FAT4: variants seen among roughly 807,000 people sequenced by gnomAD.
FAT4 encodes the protein FAT atypical cadherin 4.
A neutral mutation model predicts 303.9 loss-of-function variants in FAT4; 84 were observed. That is an observed-to-expected ratio of 0.28 (90% CI 0.23 to 0.33). FAT4 has a LOEUF of 0.33. Ranked by LOEUF, FAT4 falls within the 10% of genes least tolerant of loss-of-function variation. FAT4 has a pLI of 1.00. For synonymous variants in FAT4, 2,307 were observed against 2,298.8 expected (o/e 1.00, Z -0.10); for missense variants, 6,005 against 6,146.8 (o/e 0.98, Z 0.77).
rs1363232470 is a variant in FAT4 at position 125,446,377 on chromosome 4, A to T, written c.7284A>T (p.Glu2428Asp). 1 of 1,613,528 alleles carries T rather than the reference A, an allele frequency of 6.2e-7. No homozygotes were observed. Among genetic ancestry groups the T allele is most frequent in the Non-Finnish European group, 8.5e-7 (1 of 1,179,520 alleles). ...TCACCAGCGCATTGTTAGATAGGGA[A>T]ACAAAAGATAATTATACTTTGGTAG... is the stretch of plus-strand genomic sequence containing the variant. Reference protein sequence around the residue: ...QIITSALLDRETKDNYTLVVV... With the variant: ...QIITSALLDRDTKDNYTLVVV... The change falls in exon 9 of 18, where the codon GAA becomes GAT. Residue 2428 changes from glutamate (E) to aspartate (D), a missense_variant. Glu to Asp is a conservative substitution (Grantham distance 45). Transcript: ENST00000394329.
intron 2 of FAT4, among the ~76,000 whole-genome samples, chr4:125,391,488 G>A (rs1560794314): frequency 6.6e-6 from 1 of 152,110 alleles, no homozygotes; most frequent in Non-Finnish European, 1.5e-5. Flanking sequence ...TGGACACAGA[G>A]AAGGGAACAA....
intron 11 of FAT4, among the ~76,000 whole-genome samples, chr4:125,466,694 A>C (rs2126074236): frequency 6.6e-6 from 1 of 150,882 alleles, no homozygotes; most frequent in Non-Finnish European, 1.5e-5. Flanking sequence ...TAACATATAT[A>C]TCAATAAATA....
In FAT4 at chr4:125,315,400, G is replaced by A. The variant is rs1730534118; in HGVS notation, c.-590G>A. Among the ~76,000 whole-genome samples, 1 of 152,210 alleles carries A rather than the reference G, an allele frequency of 6.6e-6. No homozygotes were observed. The highest frequency in any genetic ancestry group is 2.4e-5 in the African/African-American group (1 of 41,460). On this transcript the variant is annotated 5_prime_UTR_variant, in exon 1 of 18. Transcript: ENST00000394329. ...ATAAAAGCAGAGATAGCGAGGGCAGGGGCGAGGCGCGCTAGAGTGGGCTTC... is the reference window on the plus strand; with the variant it reads ...ATAAAAGCAGAGATAGCGAGGGCAGAGGCGAGGCGCGCTAGAGTGGGCTTC...
At chr4:125,396,585 C>T (rs572988075) in intron 2 of FAT4, among the ~76,000 whole-genome samples, 18 of 152,096 alleles carry the variant, frequency 1.2e-4, no homozygotes, top group Admixed American at 2.0e-4. Context: ...CATAAACACA[C>T]GTACATTTTT....
intron 8 of FAT4, among the ~76,000 whole-genome samples, chr4:125,439,206 T>C (rs1344771380): frequency 1.3e-5 from 2 of 152,168 alleles, no homozygotes; most frequent in Admixed American, 6.5e-5. Flanking sequence ...TTTACAGATA[T>C]GTATCCCCTT....
intron 10 of FAT4, among the ~76,000 whole-genome samples, chr4:125,454,207 T>C (rs999504373): frequency 6.6e-6 from 1 of 152,264 alleles, no homozygotes; most frequent in African/African-American, 2.4e-5. Flanking sequence ...CATTTCTATG[T>C]TATATTTTCA....
intron 2 of FAT4, among the ~76,000 whole-genome samples, chr4:125,383,400 G>A (rs984482807): frequency 1.3e-5 from 2 of 152,062 alleles, no homozygotes; most frequent in Admixed American, 6.6e-5. Context: ...AAGAATGGCT[G>A]GACAGTAGAG....
chr4:125,415,889 C>A, intron 6 of FAT4, 83 bp downstream of exon 6: 1 of 1,046,424 alleles, frequency 9.6e-7, no homozygotes, highest in Non-Finnish European at 1.4e-6. Context: ...AGCGTTTACG[C>A]TTCCCCTGTT....
chr4:125,370,799 CA>C (rs1465112479), intron 2 of FAT4, among the ~76,000 whole-genome samples: 3 of 151,960 alleles, frequency 2.0e-5, no homozygotes, highest in Non-Finnish European at 4.4e-5. Flanking sequence ...CAAAAATTTT[CA>C]AAAAATTTCA....
intron 8 of FAT4, among the ~76,000 whole-genome samples, chr4:125,445,594 G>T (rs1725799849): frequency 6.6e-6 from 1 of 152,018 alleles, no homozygotes; most frequent in African/African-American, 2.4e-5. Flanking sequence ...CACAAAATCA[G>T]GAATATATGC....
chr4:125,323,462 T>C (rs1731033910), intron 2 of FAT4, among the ~76,000 whole-genome samples: 1 of 152,194 alleles, frequency 6.6e-6, no homozygotes, highest in Non-Finnish European at 1.5e-5. Flanking sequence ...TTATCATATA[T>C]ACTATGTTCT....
Position 125,490,636 on chromosome 4 carries a change from T to TC in FAT4, c.13824dup (p.Ser4609GlnfsTer15). On this transcript the variant is annotated frameshift_variant, in exon 18 of 18. Transcript: ENST00000394329. LOFTEE classifies it high-confidence loss of function. Reference sequence around the variant, plus strand: ...GATATTCCTCACAACTCAGAAACCATCCCCAGCGCCCCTTTGGCATCTCCA... The same window carrying TC: ...GATATTCCTCACAACTCAGAAACCATCCCCCAGCGCCCCTTTGGCATCTCCA... 1 of 1,613,982 alleles carries TC rather than the reference T, an allele frequency of 6.2e-7. No individual in the cohort carries two copies. Among genetic ancestry groups the TC allele is most frequent in the African/African-American group, 1.3e-5 (1 of 74,968 alleles).
chr4:125,483,087 T>C (rs1727285484), intron 16 of FAT4, among the ~76,000 whole-genome samples: 1 of 152,178 alleles, frequency 6.6e-6, no homozygotes, highest in African/African-American at 2.4e-5. Flanking sequence ...CAAATATCAT[T>C]AGTGCCAAAT....
intron 8 of FAT4, among the ~76,000 whole-genome samples, chr4:125,438,458 TTTGA>T (rs1725535174): frequency 6.6e-6 from 1 of 152,152 alleles, no homozygotes; most frequent in African/African-American, 2.4e-5. Context: ...ATTTTGGTTA[TTTGA>T]TTGGTTGATT....
At chr4:125,484,060 TACACACACAC>T (rs34883833) in intron 16 of FAT4, among the ~76,000 whole-genome samples, 145 of 138,254 alleles carry the variant, frequency 1.0e-3, no homozygotes, top group African/African-American at 3.6e-3. Flanking sequence ...CAGACACACA[TACACACACAC>T]ACACACACAC....
intron 7 of FAT4, among the ~76,000 whole-genome samples, chr4:125,423,484 C>A (rs1268693700): frequency 2.0e-5 from 3 of 152,162 alleles, no homozygotes; most frequent in African/African-American, 7.2e-5. Flanking sequence ...CCTGCAGGTG[C>A]ACAGAGGTCA....
At chr4:125,413,980 A>G (rs1734943194) in intron 5 of FAT4, among the ~76,000 whole-genome samples, 1 of 152,070 alleles carries the variant, frequency 6.6e-6, no homozygotes, top group South Asian at 2.1e-4. Flanking sequence ...CGTTTTTATC[A>G]TAATATCCTG....
chr4:125,415,212 C>T lies in FAT4; in HGVS notation c.6249C>T (p.Ser2083=). 1 of 1,614,026 alleles carries T rather than the reference C, an allele frequency of 6.2e-7. No individual in the cohort carries two copies. The highest frequency in any genetic ancestry group is 8.5e-7 in the Non-Finnish European group (1 of 1,179,938). Residue 2083 remains serine, a synonymous_variant, in exon 6 of 18, where the codon AGC becomes AGT. Coordinates refer to ENST00000394329, the MANE Select transcript of FAT4 (RefSeq NM_001291303.3). ...QATDPDSGPN[S]YIEYTLLNPL... is the part of the protein sequence containing the mutation. Reference sequence around the variant, plus strand: ...CTGACCCAGATAGTGGCCCAAACAGCTATATTGAGTACACTCTGCTGAACC... The same window carrying T: ...CTGACCCAGATAGTGGCCCAAACAGTTATATTGAGTACACTCTGCTGAACC...
At chr4:125,360,589 T>C (rs1035028896) in intron 2 of FAT4, among the ~76,000 whole-genome samples, 2 of 152,190 alleles carry the variant, frequency 1.3e-5, no homozygotes, top group Non-Finnish European at 2.9e-5. Context: ...AAACAGTTAC[T>C]GTTCTCAAGG....
Sources: gnomAD v4.1 joint callset for allele counts (sites outside exome capture counted in the v4.1 genomes callset) on GRCh38, gnomAD v4.1.1 for gene constraint, MANE v1.5 for transcripts, NCBI Gene and HGNC (gene_info 2026-07-23, HGNC 2026-07-21) for gene names.